GALNT16: variants seen among roughly 807,000 people sequenced by gnomAD.
The protein encoded by GALNT16 is UDP-GalNAc:polypeptide N-acetylgalactosaminyltransferase-like protein 1.
A neutral mutation model predicts 76.1 loss-of-function variants in GALNT16; 40 were observed. The ratio of observed to expected loss-of-function variants is 0.53; its 90% CI spans 0.41 to 0.68. The LOEUF (loss-of-function observed/expected upper bound fraction) is 0.68. Ranked by LOEUF, GALNT16 falls within the 30% of genes least tolerant of loss-of-function variation. GALNT16 has a pLI of 0.00. For synonymous variants in GALNT16, 276 were observed against 285.2 expected, an observed-to-expected ratio of 0.97 and a Z score of 0.32; for missense variants, 621 against 731.9, an observed-to-expected ratio of 0.85 and a Z score of 1.75.
intron 1 of GALNT16, among the ~76,000 whole-genome samples, chr14:69,275,083 C>T (rs2044454629): frequency 6.6e-6 from 1 of 152,152 alleles, no homozygotes; most frequent in Non-Finnish European, 1.5e-5. Flanking sequence ...CAGAGAGGTA[C>T]TCATGGATCA....
intron 6 of GALNT16, among the ~76,000 whole-genome samples, chr14:69,330,037 A>C (rs1447412240): frequency 6.6e-6 from 1 of 152,232 alleles, no homozygotes; most frequent in Non-Finnish European, 1.5e-5. Flanking sequence ...CAGTTCTGCG[A>C]AAGTTTGAAC....
chr14:69,330,548 G>A (rs911272388), intron 6 of GALNT16, among the ~76,000 whole-genome samples: 1 of 152,310 alleles, frequency 6.6e-6, no homozygotes, highest in African/African-American at 2.4e-5. Context: ...AGGATGAGGT[G>A]AGGCCCTCCA....
chr14:69,342,475 A>C (rs2045501606), intron 12 of GALNT16, among the ~76,000 whole-genome samples: 1 of 5,742 alleles, frequency 1.7e-4, no homozygotes, highest in Non-Finnish European at 3.9e-4. Context: ...GAAGGAAGGA[A>C]GGGAGGGAGG....
chr14:69,365,057 G>A, the GALNT16 span, among the ~76,000 whole-genome samples: 3 of 152,294 alleles, frequency 2.0e-5, no homozygotes, highest in East Asian at 5.8e-4. Context: ...CCAGAATTGA[G>A]TCTTAATCTA....
At chr14:69,268,889 C>T (rs1387933384) in intron 1 of GALNT16, among the ~76,000 whole-genome samples, 5 of 152,096 alleles carry the variant, frequency 3.3e-5, no homozygotes, top group Admixed American at 1.3e-4. Flanking sequence ...GGCACCATCC[C>T]GGAGAGTGTG....
chr14:69,382,826 T>A, the GALNT16 span, among the ~76,000 whole-genome samples: 7 of 151,902 alleles, frequency 4.6e-5, no homozygotes, highest in African/African-American at 1.7e-4. Flanking sequence ...ATGCCTTCTT[T>A]ATGGAAAGCT....
At chr14:69,279,832 G>C (rs1422672498) in intron 1 of GALNT16, among the ~76,000 whole-genome samples, 1 of 152,172 alleles carries the variant, frequency 6.6e-6, no homozygotes, top group Non-Finnish European at 1.5e-5. Context: ...AATGGAGGGG[G>C]CCTAGGCCAA....
chr14:69,277,241 G>C (rs978137214), intron 1 of GALNT16, among the ~76,000 whole-genome samples: 1 of 152,114 alleles, frequency 6.6e-6, no homozygotes, highest in African/African-American at 2.4e-5. Flanking sequence ...TTATTATTAT[G>C]CTTTAAGTTC....
At chr14:69,264,397 A>G (rs1266908009) in intron 1 of GALNT16, among the ~76,000 whole-genome samples, 1 of 152,184 alleles carries the variant, frequency 6.6e-6, no homozygotes, top group Admixed American at 6.5e-5. Context: ...ATGTAAATAC[A>G]TGGCTTTAAG....
chr14:69,320,528 A>T (rs1393397109), intron 1 of GALNT16, among the ~76,000 whole-genome samples, 183 bp from the exon 2 acceptor site: 1 of 149,302 alleles, frequency 6.7e-6, no homozygotes, highest in African/African-American at 2.5e-5. Flanking sequence ...AAAAAAAGAA[A>T]CCCTCTTGAG....
upstream of GALNT16, chr14:69,260,057 C>G (rs1277392534): frequency 2.1e-6 from 1 of 476,116 alleles, no homozygotes; most frequent in East Asian, 3.9e-5. Context: ...AATGAATGGG[C>G]GCCCGGGGGA....
intron 9 of GALNT16, among the ~76,000 whole-genome samples, chr14:69,334,945 C>G (rs187778086): frequency 3.8e-4 from 58 of 152,270 alleles, no homozygotes; most frequent in African/African-American, 1.3e-3. Context: ...ACAGAGCCCT[C>G]TCCCACTGCT....
At chr14:69,369,922 C>T in the GALNT16 span, among the ~76,000 whole-genome samples, 1 of 152,192 alleles carries the variant, frequency 6.6e-6, no homozygotes, top group Non-Finnish European at 1.5e-5. Flanking sequence ...CACATTTGCT[C>T]TTCTCCTTTG....
intron 1 of GALNT16, among the ~76,000 whole-genome samples, chr14:69,316,776 AG>A (rs1181538070): frequency 7.6e-4 from 52 of 67,992 alleles, no homozygotes; most frequent in Non-Finnish European, 1.0e-3. Flanking sequence ...GTAGTCTGTG[AG>A]GGGGGGGGGC....
the GALNT16 span, among the ~76,000 whole-genome samples, chr14:69,367,254 T>C: frequency 6.6e-6 from 1 of 151,994 alleles, no homozygotes; most frequent in East Asian, 1.9e-4. Flanking sequence ...GGACTGAATG[T>C]TTGTGCTCCA....
At chr14:69,273,779 C>T (rs2044436230) in intron 1 of GALNT16, among the ~76,000 whole-genome samples, 2 of 152,162 alleles carry the variant, frequency 1.3e-5, no homozygotes, top group Admixed American at 1.3e-4. Flanking sequence ...GTGAGCTTGG[C>T]TCTGGTCTGG....
chr14:69,383,557 T>A, the GALNT16 span, among the ~76,000 whole-genome samples: 1 of 152,196 alleles, frequency 6.6e-6, no homozygotes, highest in Non-Finnish European at 1.5e-5. Context: ...GGGAAAATAG[T>A]TTTAAATCCT....
intron 13 of GALNT16, among the ~76,000 whole-genome samples, chr14:69,347,594 T>C (rs2045583543): frequency 6.6e-6 from 1 of 152,196 alleles, no homozygotes; most frequent in Non-Finnish European, 1.5e-5. Flanking sequence ...CCATGTCTTG[T>C]CATTCTCTCT....
intron 1 of GALNT16, among the ~76,000 whole-genome samples, chr14:69,296,112 C>T (rs2044756256): frequency 6.6e-6 from 1 of 152,160 alleles, no homozygotes; most frequent in Admixed American, 6.5e-5. Context: ...AGGAAACTTC[C>T]AATCATGGGA....
Sources: allele counts gnomAD v4.1 joint callset (sites outside exome capture counted in the v4.1 genomes callset), GRCh38; gene constraint gnomAD v4.1.1; transcripts MANE v1.5; gene names NCBI Gene and HGNC (gene_info 2026-07-23, HGNC 2026-07-21).